The following CCDC57 variants were observed in gnomAD, a reference collection of about 807,000 sequenced individuals.
CCDC57 encodes coiled-coil domain-containing protein 57.
Under a neutral mutation model 118.9 loss-of-function variants are expected in CCDC57, and 118 were observed. The ratio of observed to expected loss-of-function variants is 0.99; its 90% confidence interval spans 0.86 to 1.16. The LOEUF is 1.16. CCDC57 is among the 50% of genes most tolerant of loss of function. The probability of loss-of-function intolerance (pLI) is 0.00; values close to 1 mark genes in which losing one functional copy is unlikely to be tolerated. For synonymous variants in CCDC57, 527 were observed against 532.9 expected (o/e 0.99, Z 0.15); for missense variants, 1,300 against 1,320.7 (o/e 0.98, Z 0.24).
chr17:82,209,536 G>A (rs1350890560), intron 1 of CCDC57, among the ~76,000 whole-genome samples: 1 of 152,152 alleles, frequency 6.6e-6, no homozygotes, highest in African/African-American at 2.4e-5. Context: ...GAGCTGCAGT[G>A]CAGTGGCATG....
intron 4 of CCDC57, among the ~76,000 whole-genome samples, chr17:82,197,030 ATGACTCCTGCAGAGATGCAGCCCCTCG>A (rs1481200010): frequency 1.1e-3 from 112 of 105,942 alleles, no homozygotes; most frequent in African/African-American, 4.0e-3. Flanking sequence ...GCAGCCCCTC[ATGACTCCTGCAGAGATGCAGCCCCTCG>A]TGACTCCTGC....
exon 19 of CCDC57, chr17:82,127,799 G>C (rs770618095): frequency 6.2e-7 from 1 of 1,613,070 alleles, no homozygotes; most frequent in Non-Finnish European, 8.5e-7. Context: ...GGAGCTGTGG[G>C]ATTGGCGACC....
At chr17:82,167,446 G>A (rs1018213286) in intron 13 of CCDC57, among the ~76,000 whole-genome samples, 1 of 151,792 alleles carries the variant, frequency 6.6e-6, no homozygotes, top group Non-Finnish European at 1.5e-5. Flanking sequence ...CACCTCCCGG[G>A]TTCAAGCGAT....
intron 9 of CCDC57, among the ~76,000 whole-genome samples, chr17:82,180,188 C>T (rs911650023): frequency 6.6e-6 from 1 of 152,218 alleles, no homozygotes; most frequent in African/African-American, 2.4e-5. Context: ...CGCTAGGGTG[C>T]AGAGTGACCC....
intron 14 of CCDC57, among the ~76,000 whole-genome samples, chr17:82,159,447 T>C (rs908695054): frequency 6.6e-6 from 1 of 152,222 alleles, no homozygotes; most frequent in Non-Finnish European, 1.5e-5. Flanking sequence ...CACGTGTACA[T>C]GGATCTTCAA....
At chr17:82,135,740 C>A (rs1417988402) in intron 16 of CCDC57, among the ~76,000 whole-genome samples, 4 of 152,150 alleles carry the variant, frequency 2.6e-5, no homozygotes, top group Non-Finnish European at 5.9e-5. Flanking sequence ...TCCCGCCTCA[C>A]ACCCACTAGG....
At chr17:82,159,495 T>C (rs930256544) in intron 14 of CCDC57, among the ~76,000 whole-genome samples, 2 of 152,038 alleles carry the variant, frequency 1.3e-5, no homozygotes, top group African/African-American at 2.4e-5. Context: ...CAAGTTCCTC[T>C]CCATTGCAAC....
rs2049033315 is a variant in CCDC57 at position 82,201,831 on chromosome 17, GT to G, written c.113del (p.Asp38AlafsTer55). 6.2e-7 allele frequency: 1 copy of G among 1,613,558 alleles called. No homozygotes were observed. The highest frequency in any genetic ancestry group is 8.5e-7 in the Non-Finnish European group (1 of 1,179,874). On this transcript the variant is annotated frameshift_variant, in exon 3 of 20. Transcript: ENST00000665763. LOFTEE classifies it high-confidence loss of function. ...GCGCCTCCTCCAGCTGGCTCCGTGT[GT>G]CCTGCAGAGCCGCCTCCTGCAGCTG... is the stretch of plus-strand genomic sequence containing the variant.
intron 14 of CCDC57, among the ~76,000 whole-genome samples, chr17:82,158,613 G>A (rs1046390564): frequency 3.3e-5 from 5 of 150,754 alleles, no homozygotes; most frequent in East Asian, 2.0e-4. Context: ...GCATGAACCC[G>A]GGAGGTGGAG....
At chr17:82,126,405 C>T (rs1392982981) in intron 19 of CCDC57, 1 of 982,350 alleles carries the variant, frequency 1.0e-6, no homozygotes, top group Non-Finnish European at 1.2e-6. Flanking sequence ...TGGGAGAAAA[C>T]ATTTAAATTG....
At chr17:82,168,456 G>T (rs1599098477) in intron 13 of CCDC57, among the ~76,000 whole-genome samples, 1 of 152,124 alleles carries the variant, frequency 6.6e-6, no homozygotes, top group Non-Finnish European at 1.5e-5. Context: ...CCACCAGCTG[G>T]GCATGGTGGC....
intron 19 of CCDC57, chr17:82,113,036 C>A: frequency 3.5e-6 from 1 of 288,080 alleles, no homozygotes; most frequent in Non-Finnish European, 6.5e-6. Context: ...TTGGTTATTT[C>A]TTAATGTATT....
At chr17:82,126,696 G>A (rs1408818588) in intron 19 of CCDC57, 21 of 985,448 alleles carry the variant, frequency 2.1e-5, no homozygotes, top group Non-Finnish European at 2.4e-5. Context: ...TCCACCACAC[G>A]TGGCACGCGG....
chr17:82,178,350 G>C, intron 11 of CCDC57, 124 bp downstream of exon 10: 1 of 1,139,434 alleles, frequency 8.8e-7, no homozygotes, highest in Non-Finnish European at 1.2e-6. Context: ...TTGTGCAACA[G>C]GTCATTTAAA....
intron 15 of CCDC57, chr17:82,155,118 T>C (rs2042527614): frequency 6.6e-6 from 1 of 152,274 alleles, no homozygotes; most frequent in South Asian, 2.1e-4. Flanking sequence ...ATCCCAGCAC[T>C]GGCGATGGGA....
intron 19 of CCDC57, among the ~76,000 whole-genome samples, chr17:82,104,173 T>C (rs577519486): frequency 1.4e-3 from 207 of 152,342 alleles, no homozygotes; most frequent in African/African-American, 4.7e-3. Flanking sequence ...CACCACTCTC[T>C]GCCCCGCCTT....
At position 82,157,768 on chromosome 17, in the gene CCDC57, C is replaced by T. The variant is rs544051532; in HGVS notation, c.2221G>A (p.Ala741Thr). 9.2e-5 allele frequency: 147 copies of T among 1,601,348 alleles called. No individual in the cohort carries two copies. The highest frequency in any genetic ancestry group is 1.2e-4 in the Non-Finnish European group (140 of 1,176,130). The change falls in exon 15 of 20, where the codon GCC (alanine) becomes ACC (threonine). Residue 741 changes from alanine (A) to threonine (T), a missense_variant. Coordinates refer to ENST00000665763, the Ensembl canonical transcript of CCDC57. The stretch of plus-strand genomic sequence containing the variant: ...CCCACCTCTCTCCCAAGGGCCACGG[C>T]GTCCGAGGCTGGGGGCTGCTTCCTG...
intron 3 of CCDC57, among the ~76,000 whole-genome samples, chr17:82,198,853 C>T (rs536616256): frequency 3.3e-5 from 5 of 151,664 alleles, no homozygotes; most frequent in East Asian, 3.9e-4. Context: ...ATTAGCCGGG[C>T]GTGGTGGCGG....
intron 13 of CCDC57, among the ~76,000 whole-genome samples, chr17:82,171,243 G>T (rs2044678942): frequency 7.0e-6 from 1 of 142,846 alleles, no homozygotes; most frequent in Non-Finnish European, 1.5e-5. Flanking sequence ...GCTCCGGAGG[G>T]AGCGCGAGGA....
Sources: allele counts gnomAD v4.1 joint callset (sites outside exome capture counted in the v4.1 genomes callset), GRCh38; gene constraint gnomAD v4.1.1; transcripts MANE v1.5; gene names NCBI Gene and HGNC (gene_info 2026-07-23, HGNC 2026-07-21).